GOLIM4: variants seen among roughly 807,000 people sequenced by gnomAD.
GOLIM4 encodes the protein 130 kDa golgi-localized phosphoprotein.
Under a neutral mutation model 107.4 loss-of-function variants are expected in GOLIM4, and 71 were observed. The observed-to-expected ratio is 0.66, with a 90% confidence interval of 0.55 to 0.81. The LOEUF (loss-of-function observed/expected upper bound fraction) is 0.81. Among genes scored for constraint, GOLIM4 ranks in the 30% least tolerant of loss-of-function variants. The probability of loss-of-function intolerance (pLI) is 0.00; values close to 1 mark genes in which losing one functional copy is unlikely to be tolerated. For synonymous variants in GOLIM4, 327 were observed against 294.8 expected, an observed-to-expected ratio of 1.11 and a Z score of -1.12; for missense variants, 830 against 826.1, an observed-to-expected ratio of 1.00 and a Z score of -0.06.
intron 7 of GOLIM4, among the ~76,000 whole-genome samples, chr3:168,038,063 G>A (rs959134574): frequency 6.6e-6 from 1 of 152,172 alleles, no homozygotes; most frequent in African/African-American, 2.4e-5. Context: ...CCAAGAGTGA[G>A]GTGCTTTTTT....
intron 1 of GOLIM4, among the ~76,000 whole-genome samples, chr3:168,061,291 A>G (rs750416449): frequency 6.6e-6 from 1 of 152,230 alleles, no homozygotes; most frequent in Non-Finnish European, 1.5e-5. Flanking sequence ...TCTCCCATCA[A>G]AACAGCTAAT....
At chr3:168,053,375 G>A (rs1719760340) in intron 1 of GOLIM4, among the ~76,000 whole-genome samples, 1 of 152,198 alleles carries the variant, frequency 6.6e-6, no homozygotes, top group East Asian at 1.9e-4. Flanking sequence ...TTTTGGTCCC[G>A]ACTATAACAT....
intron 1 of GOLIM4, among the ~76,000 whole-genome samples, chr3:168,048,701 T>G (rs1719453326): frequency 1.3e-5 from 2 of 152,188 alleles, no homozygotes; most frequent in African/African-American, 4.8e-5. Context: ...TTGCTCAATC[T>G]CCTGACTTTT....
rs1722113963 is a variant in GOLIM4, at chr3:168,095,183, C to A, written c.103G>T (p.Glu35Ter). 3 of 1,613,436 alleles carry A rather than the reference C, an allele frequency of 1.9e-6. No homozygotes were observed. The highest frequency in any genetic ancestry group is 2.5e-6 in the Non-Finnish European group (3 of 1,179,822). The part of the protein sequence containing the change: ...GFLYGAMLYY[E>*]LQTQLRKAEA... ...GCTTTCCGCAGCTGCGTCTGCAGCT[C>A]GTAGTAGAGCATCGCGCCGTAGAGA... The change falls in exon 1 of 16, where the codon GAG (glutamate) becomes TAG (stop). Residue 35 changes from glutamate to a stop codon, truncating the protein, a stop_gained. Coordinates refer to ENST00000470487, the MANE Select transcript of GOLIM4 (RefSeq NM_014498.5). LOFTEE classifies it high-confidence loss of function.
At chr3:168,058,387 T>C (rs1720092094) in intron 1 of GOLIM4, among the ~76,000 whole-genome samples, 1 of 152,234 alleles carries the variant, frequency 6.6e-6, no homozygotes, top group Admixed American at 6.5e-5. Flanking sequence ...CATTTCTTCA[T>C]GCTGTTCTTT....
chr3:168,080,196 G>A (rs905366119), intron 1 of GOLIM4, among the ~76,000 whole-genome samples: 1 of 152,140 alleles, frequency 6.6e-6, no homozygotes, highest in African/African-American at 2.4e-5. Context: ...TTCCAGACCT[G>A]CCATTAACAA....
chr3:168,047,201 C>T (rs922841418), intron 2 of GOLIM4, among the ~76,000 whole-genome samples: 1 of 152,190 alleles, frequency 6.6e-6, no homozygotes, highest in East Asian at 1.9e-4. Context: ...CTTTACCTTA[C>T]AGCTGTAAAT....
At chr3:168,066,206 A>G (rs1401877858) in intron 1 of GOLIM4, among the ~76,000 whole-genome samples, 1 of 152,168 alleles carries the variant, frequency 6.6e-6, no homozygotes, top group African/African-American at 2.4e-5. Flanking sequence ...AGTATCTGAA[A>G]ATGATTAAAA....
In GOLIM4 at chr3:168,010,282, C is replaced by A. The variant is rs767456229; in HGVS notation, c.2078G>T (p.Arg693Ile). 1 of 1,612,438 alleles carries A rather than the reference C, an allele frequency of 6.2e-7. No homozygotes were observed. The highest frequency in any genetic ancestry group is 8.5e-7 in the Non-Finnish European group (1 of 1,179,436). Reference sequence around the variant, plus strand: ...AATTGGGTGCCGCTACATTTCAGCTCTTCGATGTGATTTCTCAGCAACTGC... The same window carrying A: ...AATTGGGTGCCGCTACATTTCAGCTATTCGATGTGATTTCTCAGCAACTGC... ...GAAVAEKSHR[R>I]AEM The change falls in exon 16 of 16, where the codon AGA becomes ATA. Residue 693 changes from arginine (R) to isoleucine (I), a missense_variant. Physicochemically the swap from Arg to Ile is moderately conservative, Grantham distance 97 (BLOSUM62 -3). Transcript: ENST00000470487.
chr3:168,058,347 A>G (rs1293733723), intron 1 of GOLIM4, among the ~76,000 whole-genome samples: 2 of 152,186 alleles, frequency 1.3e-5, no homozygotes, highest in Non-Finnish European at 2.9e-5. Context: ...GGCTTTTTCA[A>G]ATAAGTATTA....
At chr3:168,091,066 TC>T (rs1721883608) in intron 1 of GOLIM4, among the ~76,000 whole-genome samples, 2 of 152,304 alleles carry the variant, frequency 1.3e-5, no homozygotes, top group Middle Eastern at 3.4e-3. Context: ...GGTAAACATG[TC>T]CATTCTTTGG....
chr3:168,037,591 C>A (rs1180526013), intron 7 of GOLIM4, among the ~76,000 whole-genome samples: 2 of 152,068 alleles, frequency 1.3e-5, no homozygotes, highest in Admixed American at 1.3e-4. Flanking sequence ...TTCTGGAAAA[C>A]AGTGGCACAG....
intron 1 of GOLIM4, among the ~76,000 whole-genome samples, chr3:168,075,357 C>T (rs1179437081): frequency 2.4e-5 from 3 of 122,830 alleles, no homozygotes; most frequent in South Asian, 2.8e-4. Context: ...AGTGCAGTGG[C>T]GGGATCTCGG....
chr3:168,065,014 T>C (rs1341244702), intron 1 of GOLIM4, among the ~76,000 whole-genome samples: 1 of 150,898 alleles, frequency 6.6e-6, no homozygotes, highest in Admixed American at 6.6e-5. Flanking sequence ...TGCCAAGAGA[T>C]AATTTAATGA....
intron 14 of GOLIM4, among the ~76,000 whole-genome samples, chr3:168,018,827 TG>T (rs928048094): frequency 3.3e-5 from 5 of 152,008 alleles, no homozygotes; most frequent in African/African-American, 7.2e-5. Flanking sequence ...TAGTTGAGAC[TG>T]GGGGAAAAAA....
intron 14 of GOLIM4, among the ~76,000 whole-genome samples, chr3:168,013,701 A>G (rs1717195420): frequency 6.6e-6 from 1 of 151,916 alleles, no homozygotes; most frequent in Non-Finnish European, 1.5e-5. Flanking sequence ...CTCAGACCAC[A>G]GTGCAATCAA....
intron 1 of GOLIM4, among the ~76,000 whole-genome samples, chr3:168,067,885 T>C (rs1035450987): frequency 6.6e-6 from 1 of 151,920 alleles, no homozygotes; most frequent in Non-Finnish European, 1.5e-5. Flanking sequence ...ATATGCAAAA[T>C]ATACCTGATA....
chr3:168,050,879 C>T (rs1018134794), intron 1 of GOLIM4, among the ~76,000 whole-genome samples: 3 of 143,684 alleles, frequency 2.1e-5, no homozygotes, highest in Non-Finnish European at 3.0e-5. Flanking sequence ...TAAAACCTAG[C>T]AGCATAGTCA....
intron 1 of GOLIM4, among the ~76,000 whole-genome samples, chr3:168,084,732 T>C (rs188683940): frequency 5.3e-5 from 8 of 152,292 alleles, no homozygotes; most frequent in Middle Eastern, 6.8e-3. Flanking sequence ...AAGGTGGAAG[T>C]AGCTTTGGAA....
Sources: allele counts gnomAD v4.1 joint callset (sites outside exome capture counted in the v4.1 genomes callset), GRCh38; gene constraint gnomAD v4.1.1; transcripts MANE v1.5; gene names NCBI Gene and HGNC (gene_info 2026-07-23, HGNC 2026-07-21).